Variants in NAALADL2 observed in about 807,000 individuals in gnomAD.
NAALADL2 encodes N-acetylated alpha-linked acidic dipeptidase like 2.
A neutral mutation model predicts 87.2 loss-of-function variants in NAALADL2; 76 were observed. That is an observed-to-expected ratio of 0.87 (90% confidence interval 0.72 to 1.05). NAALADL2 has a LOEUF of 1.05. NAALADL2 is among the 50% of genes least tolerant of loss of function. The pLI, the probability that NAALADL2 is intolerant of heterozygous loss-of-function variation, is 0.00. For synonymous variants in NAALADL2, 354 were observed against 331.0 expected (o/e 1.07, Z -0.75); for missense variants, 1,089 against 945.8 (o/e 1.15, Z -1.99).
chr3:175,146,822 CT>C (rs11410688), intron 2 of NAALADL2, among the ~76,000 whole-genome samples: 3 of 151,222 alleles, frequency 2.0e-5, no homozygotes, highest in Non-Finnish European at 4.4e-5. Context: ...GGGAAGGTAG[CT>C]TTTTTTTTAA....
At chr3:175,476,588 G>GT (rs1725736767) in intron 9 of NAALADL2, among the ~76,000 whole-genome samples, 1 of 152,076 alleles carries the variant, frequency 6.6e-6, no homozygotes, top group African/African-American at 2.4e-5. Flanking sequence ...ACAAAAAACA[G>GT]TATTTCTCTT....
intron 2 of NAALADL2, among the ~76,000 whole-genome samples, chr3:174,610,323 A>G (rs1329843955): frequency 6.6e-6 from 1 of 151,954 alleles, no homozygotes; most frequent in Non-Finnish European, 1.5e-5. Context: ...ATGGGATCTA[A>G]TTAAACTAAA....
rs575668090 is a variant in NAALADL2 at position 175,744,241 on chromosome 3, T to A, written c.1990+6842T>A. On this transcript the variant is annotated intron_variant, in intron 12 of 13. Transcript: ENST00000454872. Reference sequence around the variant, plus strand: ...AGAACTGCAATGATTCAATGGAGATTTTCACTCCAAGCCAGACACCTCTAT... The same window carrying A: ...AGAACTGCAATGATTCAATGGAGATATTCACTCCAAGCCAGACACCTCTAT... Among the ~76,000 whole-genome samples the A allele has an allele frequency of 2.0e-5, 3 of 152,230 alleles. No individual in the cohort carries two copies. In the East Asian group the frequency reaches 5.8e-4, roughly 29 times the overall value.
intron 13 of NAALADL2, among the ~76,000 whole-genome samples, chr3:175,791,904 C>A (rs1336416231): frequency 1.5e-5 from 2 of 133,832 alleles, no homozygotes; most frequent in East Asian, 2.0e-4. Context: ...TTTTAGAGTT[C>A]CCAAAGCAAA....
chr3:174,921,538 A>G lies in NAALADL2; in HGVS notation c.43+62088A>G, dbSNP rs1735183464. Among the ~76,000 whole-genome samples, 3 of 152,144 alleles carry G rather than the reference A, an allele frequency of 2.0e-5. No individual in the cohort carries two copies. In the South Asian group the frequency reaches 6.2e-4, roughly 31 times the overall value. On this transcript the variant is annotated intron_variant, in intron 1 of 13. Coordinates refer to ENST00000454872, the MANE Select transcript of NAALADL2 (RefSeq NM_207015.3). The stretch of plus-strand genomic sequence containing the variant: ...TTCTAAGGGCCTGGCGCGGTGGCTC[A>G]CACCTGTAATCCCAGCACTTTGGCA...
intron 1 of NAALADL2, among the ~76,000 whole-genome samples, chr3:174,902,945 A>G (rs1032190405): frequency 5.3e-5 from 8 of 152,140 alleles, no homozygotes; most frequent in African/African-American, 1.9e-4. Flanking sequence ...AACCATGTGA[A>G]AGGAATAAAT....
At chr3:175,138,274 G>A (rs938526023) in intron 2 of NAALADL2, among the ~76,000 whole-genome samples, 1 of 152,168 alleles carries the variant, frequency 6.6e-6, no homozygotes, top group African/African-American at 2.4e-5. Flanking sequence ...AACTTACCCA[G>A]CAGTTGAATC....
chr3:175,298,480 CATAAA>C (rs1200695038), intron 4 of NAALADL2, among the ~76,000 whole-genome samples: 1 of 152,044 alleles, frequency 6.6e-6, no homozygotes, highest in Non-Finnish European at 1.5e-5. Flanking sequence ...ATGAGAATCT[CATAAA>C]AGAGAGAATA....
chr3:175,001,222 C>CTGA lies in NAALADL2; in HGVS notation c.44-95566_44-95564dup, dbSNP rs567707613. ...ACTTGCAGATCATGTGAGCAAAATC[C>CTGA]TGATTCAGACTCTGATTCAGTAGGT... On this transcript the variant is annotated intron_variant, in intron 1 of 13. Transcript: ENST00000454872. Among the ~76,000 whole-genome samples, 168 of 152,298 alleles carry CTGA rather than the reference C, an allele frequency of 1.1e-3. 2 individuals are homozygous for CTGA. The highest frequency in any genetic ancestry group is 3.9e-3 in the African/African-American group (163 of 41,580).
chr3:174,447,444 A>C (rs1391902910), intron 1 of NAALADL2, among the ~76,000 whole-genome samples: 1 of 152,238 alleles, frequency 6.6e-6, no homozygotes, highest in East Asian at 1.9e-4. Context: ...AAAGTAGTTA[A>C]ATAATTTAAC....
chr3:175,256,701 A>T (rs1750008818), intron 4 of NAALADL2, 171 bp downstream of exon 4: 1 of 474,452 alleles, frequency 2.1e-6, no homozygotes, highest in South Asian at 5.0e-5. Context: ...GCTTTTCCAC[A>T]TTAGAACATT....
intron 2 of NAALADL2, among the ~76,000 whole-genome samples, chr3:174,665,381 G>T (rs918959775): frequency 6.6e-6 from 1 of 152,126 alleles, no homozygotes; most frequent in Non-Finnish European, 1.5e-5. Context: ...AGACTGTTTG[G>T]TGCTATCGAG....
At chr3:175,248,780 A>G (rs1748475747) in intron 3 of NAALADL2, among the ~76,000 whole-genome samples, 1 of 152,198 alleles carries the variant, frequency 6.6e-6, no homozygotes, top group South Asian at 2.1e-4. Flanking sequence ...ATTCAAATAT[A>G]TATCCATATA....
chr3:174,654,975 T>G (rs192631750), intron 2 of NAALADL2, among the ~76,000 whole-genome samples: 1 of 152,318 alleles, frequency 6.6e-6, no homozygotes, highest in Non-Finnish European at 1.5e-5. Context: ...GACCTCTTGA[T>G]CTGCCCTCCT....
At chr3:175,320,667 A>G (rs1759736659) in intron 4 of NAALADL2, among the ~76,000 whole-genome samples, 1 of 152,218 alleles carries the variant, frequency 6.6e-6, no homozygotes, top group African/African-American at 2.4e-5. Context: ...AGGGAAAGAC[A>G]TAATGGTCAC....
At chr3:175,517,736 C>A (rs1732059903) in intron 9 of NAALADL2, among the ~76,000 whole-genome samples, 2 of 151,902 alleles carry the variant, frequency 1.3e-5, no homozygotes, top group African/African-American at 4.8e-5. Flanking sequence ...AGTAGAGTCT[C>A]CATAGGAAAA....
chr3:175,258,324 CAA>C (rs1287997792), intron 4 of NAALADL2, among the ~76,000 whole-genome samples: 3,501 of 100,628 alleles, frequency 0.035, 179 homozygotes, highest in African/African-American at 0.12. Flanking sequence ...CCCCCACCAC[CAA>C]AAAAAAAAAA....
intron 1 of NAALADL2, among the ~76,000 whole-genome samples, chr3:175,034,321 G>A (rs1023775653): frequency 2.0e-5 from 3 of 152,100 alleles, no homozygotes; most frequent in African/African-American, 7.2e-5. Flanking sequence ...CCAGATACAA[G>A]TTCTGATTGT....
intron 9 of NAALADL2, among the ~76,000 whole-genome samples, chr3:175,541,563 A>T (rs140946247): frequency 6.6e-6 from 1 of 152,242 alleles, no homozygotes; most frequent in Non-Finnish European, 1.5e-5. Context: ...TACTGAATTC[A>T]TATCACTTTC....
Sources: gnomAD v4.1 joint callset for allele counts (sites outside exome capture counted in the v4.1 genomes callset) on GRCh38, gnomAD v4.1.1 for gene constraint, MANE v1.5 for transcripts, NCBI Gene and HGNC (gene_info 2026-07-23, HGNC 2026-07-21) for gene names.